DOK6: variants seen among roughly 807,000 people sequenced by gnomAD.
DOK6 encodes docking protein 6, also known as downstream of tyrosine kinase 6.
Under a neutral mutation model 44.0 loss-of-function variants are expected in DOK6, and 22 were observed. The ratio of observed to expected loss-of-function variants is 0.50; its 90% CI spans 0.36 to 0.71. The LOEUF (loss-of-function observed/expected upper bound fraction) is 0.71. DOK6 is among the 30% of genes least tolerant of loss of function. The pLI is 0.00. For missense variants in DOK6, 340 were observed against 416.4 expected (o/e 0.82, Z 1.60); for synonymous variants, 166 against 145.5 (o/e 1.14, Z -1.01).
intron 4 of DOK6, among the ~76,000 whole-genome samples, chr18:69,686,085 G>A (rs986487798): frequency 6.6e-6 from 1 of 152,012 alleles, no homozygotes; most frequent in African/African-American, 2.4e-5. Flanking sequence ...TGTAAGAAGA[G>A]GAAATTTGAA....
chr18:69,450,918 C>T (rs1367353470), intron 1 of DOK6, among the ~76,000 whole-genome samples: 1 of 150,456 alleles, frequency 6.6e-6, no homozygotes, highest in Non-Finnish European at 1.5e-5. Context: ...AAGCGCTAAA[C>T]ATGGAAAGGA....
chr18:69,485,431 G>A (rs192164294), intron 1 of DOK6, among the ~76,000 whole-genome samples: 48 of 152,160 alleles, frequency 3.2e-4, no homozygotes, highest in Middle Eastern at 6.8e-3. Flanking sequence ...ACCATCAAAG[G>A]CATTGCCTCA....
At chr18:69,700,283 C>A (rs1986490360) in intron 5 of DOK6, among the ~76,000 whole-genome samples, 1 of 145,702 alleles carries the variant, frequency 6.9e-6, no homozygotes, top group Non-Finnish European at 1.5e-5. Flanking sequence ...GTTTTGTTTT[C>A]GTTTTTGCAT....
intron 1 of DOK6, among the ~76,000 whole-genome samples, chr18:69,437,623 T>C (rs1041362837): frequency 3.9e-5 from 6 of 152,218 alleles, no homozygotes; most frequent in Non-Finnish European, 5.9e-5. Flanking sequence ...AGCTTTGTTC[T>C]TTTTGCTTAG....
At chr18:69,764,937 C>T (rs1979672951) in intron 7 of DOK6, among the ~76,000 whole-genome samples, 2 of 152,238 alleles carry the variant, frequency 1.3e-5, no homozygotes, top group South Asian at 2.1e-4. Flanking sequence ...AATGTCAGCA[C>T]GGACACATAC....
chr18:69,709,778 C>CT (rs1986717360), intron 5 of DOK6, among the ~76,000 whole-genome samples: 2 of 152,068 alleles, frequency 1.3e-5, no homozygotes, highest in Non-Finnish European at 2.9e-5. Flanking sequence ...AAAATCTGTT[C>CT]TTTCAAAACT....
At chr18:69,632,748 G>C (rs945492874) in intron 3 of DOK6, among the ~76,000 whole-genome samples, 1 of 152,146 alleles carries the variant, frequency 6.6e-6, no homozygotes, top group Non-Finnish European at 1.5e-5. Flanking sequence ...ATTTATATCT[G>C]CATACATCCT....
intron 1 of DOK6, among the ~76,000 whole-genome samples, chr18:69,546,660 A>C (rs560705431): frequency 2.6e-5 from 4 of 151,570 alleles, no homozygotes; most frequent in Non-Finnish European, 5.9e-5. Flanking sequence ...CTTAAAACAG[A>C]GGCTGCTTTT....
intron 7 of DOK6, among the ~76,000 whole-genome samples, chr18:69,792,364 C>T (rs975156897): frequency 1.3e-5 from 2 of 152,004 alleles, no homozygotes; most frequent in African/African-American, 4.8e-5. Context: ...ATGGATTATT[C>T]CAATCCATGA....
At chr18:69,469,751 G>C (rs1361502935) in intron 1 of DOK6, 1 of 255,190 alleles carries the variant, frequency 3.9e-6, no homozygotes, top group African/African-American at 2.3e-5. Context: ...GAGAGGCCAG[G>C]ACGCCATCGG....
At chr18:69,465,550 T>C (rs1346975522) in intron 1 of DOK6, among the ~76,000 whole-genome samples, 1 of 152,064 alleles carries the variant, frequency 6.6e-6, no homozygotes, top group Non-Finnish European at 1.5e-5. Context: ...AGTGAGAATA[T>C]GCAGTGTTTG....
chr18:69,774,076 TGA>T lies in DOK6; in HGVS notation c.856+16206_856+16207del, dbSNP rs1453566223. On this transcript the variant is annotated intron_variant, in intron 7 of 7. Coordinates refer to ENST00000382713, the MANE Select transcript of DOK6 (RefSeq NM_152721.6). ...ATATATATATATAGATATATATATA[TGA>T]GATAGATTTATATAGATATATATAT... is the stretch of plus-strand genomic sequence containing the variant. Among the ~76,000 whole-genome samples the T allele has an allele frequency of 2.1e-5, 3 of 140,960 alleles. 1 individual carries two copies. Among genetic ancestry groups the T allele is most frequent in the African/African-American group, 7.6e-5 (3 of 39,498 alleles). The allele number at this position is 140,960 out of a possible 152,430, so 92.5% of individuals were successfully genotyped here.
chr18:69,575,735 A>G (rs1433150467), intron 2 of DOK6, among the ~76,000 whole-genome samples: 2 of 152,168 alleles, frequency 1.3e-5, no homozygotes, highest in African/African-American at 4.8e-5. Flanking sequence ...GGAAATAGTA[A>G]TAATTCTAAA....
chr18:69,841,827 G>A lies in DOK6; in HGVS notation c.*444G>A, dbSNP rs1982230887. 1 of 161,750 alleles carries A rather than the reference G, an allele frequency of 6.2e-6. No homozygotes were observed. The highest frequency in any genetic ancestry group is 2.4e-5 in the African/African-American group (1 of 41,708). The allele number at this position is 161,750 out of a possible 1,614,324, so 10.0% of individuals were successfully genotyped here. A position where few individuals can be genotyped will look rare whatever the true frequency, so the allele number is the denominator to read the frequency against. ...CAAGCTCTGTGGCTTTTAAAGTTCT[G>A]ACAGGGATAAATACAGTAAGCTCTG... On this transcript the variant is annotated 3_prime_UTR_variant, in exon 8 of 8. Coordinates refer to ENST00000382713, the MANE Select transcript of DOK6 (RefSeq NM_152721.6).
intron 7 of DOK6, chr18:69,832,538 C>T (rs2145133558): frequency 6.6e-6 from 1 of 152,100 alleles, no homozygotes; most frequent in South Asian, 2.1e-4. Flanking sequence ...ATACTTGCCT[C>T]ATAGAGTAGG....
At chr18:69,833,968 A>T (rs1056837658) in intron 7 of DOK6, among the ~76,000 whole-genome samples, 1 of 152,204 alleles carries the variant, frequency 6.6e-6, no homozygotes, top group Non-Finnish European at 1.5e-5. Context: ...ATTAAGTAGT[A>T]CAGCTATTAT....
At chr18:69,537,447 C>A (rs1470116124) in intron 1 of DOK6, among the ~76,000 whole-genome samples, 3 of 152,160 alleles carry the variant, frequency 2.0e-5, no homozygotes, top group Non-Finnish European at 4.4e-5. Context: ...CACCAGACTG[C>A]CAGTTCCTTC....
In DOK6 at chr18:69,764,586, G is replaced by A. The variant is rs546156391; in HGVS notation, c.856+6713G>A. ...GAAGGATGTGTTTGCTTCCCCTTCCGCCGGGATTGTAAGTTTCCTGAGGCC... is the reference window on the plus strand; with the variant it reads ...GAAGGATGTGTTTGCTTCCCCTTCCACCGGGATTGTAAGTTTCCTGAGGCC... On this transcript the variant is annotated intron_variant, in intron 7 of 7. Coordinates refer to ENST00000382713, the MANE Select transcript of DOK6 (RefSeq NM_152721.6). Among the ~76,000 whole-genome samples the A allele has an allele frequency of 7.1e-4, 108 of 152,170 alleles. 1 individual carries two copies. The highest frequency in any genetic ancestry group is 2.0e-3 in the African/African-American group (81 of 41,524).
chr18:69,680,178 A>G (rs1180206593), intron 4 of DOK6, among the ~76,000 whole-genome samples: 1 of 152,262 alleles, frequency 6.6e-6, no homozygotes, highest in African/African-American at 2.4e-5. Flanking sequence ...GTTTATTTAA[A>G]TGGCCCACAA....
Sources: gnomAD v4.1 joint callset for allele counts (sites outside exome capture counted in the v4.1 genomes callset) on GRCh38, gnomAD v4.1.1 for gene constraint, MANE v1.5 for transcripts, NCBI Gene and HGNC (gene_info 2026-07-23, HGNC 2026-07-21) for gene names.